The following RBPMS variants were observed in gnomAD, a reference collection of about 807,000 sequenced individuals.
RBPMS encodes RNA-binding protein with multiple splicing.
RBPMS carries 7 observed loss-of-function variants against 26.8 expected under a neutral mutation model. The ratio of observed to expected loss-of-function variants is 0.26; its 90% CI spans 0.15 to 0.49. The LOEUF is 0.49. RBPMS is among the 20% of genes least tolerant of loss of function. The pLI is 0.98. For synonymous variants in RBPMS, 96 were observed against 93.3 expected (o/e 1.03, Z -0.17); for missense variants, 186 against 250.0 (o/e 0.74, Z 1.73).
chr8:30,552,854 G>C (rs1826507623), intron 6 of RBPMS: 1 of 152,232 alleles, frequency 6.6e-6, no homozygotes, highest in African/African-American at 2.4e-5. Flanking sequence ...AGGCTTACCA[G>C]GATGTACTCA....
rs1808957445 is a variant in RBPMS, at chr8:30,408,874, C to T, written c.66+23716C>T. 2.6e-5 allele frequency among the ~76,000 whole-genome samples: 4 copies of T among 152,332 alleles called. No individual in the cohort carries two copies. The South Asian group carries it at 8.3e-4, about 32-fold the overall frequency. On this transcript the variant is annotated intron_variant, in intron 1 of 8. Transcript: ENST00000397323. ...AGTCACCATTTCCTCCTCTCCCTAA[C>T]CCAAAGCAACTGCTGATCTGCTTTT...
chr8:30,562,057 G>A (rs1375526289), intron 7 of RBPMS: 11 of 984,926 alleles, frequency 1.1e-5, no homozygotes, highest in African/African-American at 5.2e-5. Flanking sequence ...TGGACCAGGC[G>A]CAGTGCCTCA....
At chr8:30,430,368 T>C (rs577612482) in intron 1 of RBPMS, among the ~76,000 whole-genome samples, 4 of 152,208 alleles carry the variant, frequency 2.6e-5, no homozygotes, top group Non-Finnish European at 5.9e-5. Flanking sequence ...CTTGGTTCTA[T>C]TCTGTAACAT....
At chr8:30,519,554 G>C (rs1350260861) in intron 5 of RBPMS, among the ~76,000 whole-genome samples, 1 of 138,264 alleles carries the variant, frequency 7.2e-6, no homozygotes, top group East Asian at 2.3e-4. Context: ...TGCGATCTCG[G>C]CTCACTGCAA....
At chr8:30,517,617 G>A (rs1443260019) in intron 5 of RBPMS, among the ~76,000 whole-genome samples, 1 of 152,142 alleles carries the variant, frequency 6.6e-6, no homozygotes, top group Non-Finnish European at 1.5e-5. Context: ...ACATTTGAGG[G>A]GAGGTGAGAG....
At chr8:30,520,611 G>A (rs1822927900) in intron 5 of RBPMS, among the ~76,000 whole-genome samples, 1 of 152,054 alleles carries the variant, frequency 6.6e-6, no homozygotes, top group Non-Finnish European at 1.5e-5. Flanking sequence ...TTCCCTAGGT[G>A]CCCAATACGA....
chr8:30,548,798 A>T (rs1325155302), intron 6 of RBPMS, among the ~76,000 whole-genome samples: 1 of 152,260 alleles, frequency 6.6e-6, no homozygotes, highest in Non-Finnish European at 1.5e-5. Flanking sequence ...GCAGTTGCTC[A>T]TCAGCAGGGT....
rs375258067 is a variant in RBPMS, at chr8:30,511,916, A to G, written c.397+7480A>G. On this transcript the variant is annotated intron_variant, in intron 5 of 8. Transcript: ENST00000397323. ...AAATGTTAGCTGAAGTTGAACCACCAGATCGTTTATATTTAGTTTTGGTGT... is the reference window on the plus strand; with the variant it reads ...AAATGTTAGCTGAAGTTGAACCACCGGATCGTTTATATTTAGTTTTGGTGT... 2.3e-4 allele frequency among the ~76,000 whole-genome samples: 35 copies of G among 152,320 alleles called. No individual in the cohort carries two copies. In the East Asian group the frequency reaches 6.4e-3, roughly 28 times the overall value.
intron 7 of RBPMS, among the ~76,000 whole-genome samples, chr8:30,559,310 G>C (rs1827249653): frequency 6.6e-6 from 1 of 152,196 alleles, no homozygotes; most frequent in Non-Finnish European, 1.5e-5. Context: ...TTAAGTTGCA[G>C]GAATAGTCAT....
At chr8:30,521,327 T>TTTTG (rs1822996146) in intron 5 of RBPMS, among the ~76,000 whole-genome samples, 1 of 152,198 alleles carries the variant, frequency 6.6e-6, no homozygotes, top group African/African-American at 2.4e-5. Flanking sequence ...CTGTTGAATA[T>TTTTG]TTAGTGGCTT....
At chr8:30,409,531 T>C (rs1310524208) in intron 1 of RBPMS, among the ~76,000 whole-genome samples, 1 of 152,130 alleles carries the variant, frequency 6.6e-6, no homozygotes, top group African/African-American at 2.4e-5. Flanking sequence ...TATTTCTACT[T>C]TTTTCTGTCC....
At chr8:30,448,787 T>C (rs945088977) in intron 1 of RBPMS, among the ~76,000 whole-genome samples, 2 of 152,264 alleles carry the variant, frequency 1.3e-5, no homozygotes, top group East Asian at 3.8e-4. Flanking sequence ...GTAGTATCTG[T>C]TGGATTCAGG....
intron 1 of RBPMS, among the ~76,000 whole-genome samples, chr8:30,471,791 C>T (rs1228918579): frequency 1.3e-4 from 20 of 152,144 alleles, no homozygotes; most frequent in Non-Finnish European, 8.8e-5. Flanking sequence ...AATTCTGCCT[C>T]AGCGAACTTC....
At chr8:30,531,981 A>C (rs1396274608) in intron 5 of RBPMS, among the ~76,000 whole-genome samples, 2 of 152,200 alleles carry the variant, frequency 1.3e-5, no homozygotes, top group Admixed American at 6.5e-5. Flanking sequence ...AAAGTTAAGT[A>C]GATTTTTTTG....
At chr8:30,452,079 G>A (rs994241287) in intron 1 of RBPMS, among the ~76,000 whole-genome samples, 16 of 152,254 alleles carry the variant, frequency 1.1e-4, no homozygotes, top group East Asian at 1.9e-4. Context: ...CTTCCTTTGC[G>A]AGATGCCTTA....
At chr8:30,480,657 C>A (rs1818176141) in intron 4 of RBPMS, among the ~76,000 whole-genome samples, 1 of 152,072 alleles carries the variant, frequency 6.6e-6, no homozygotes, top group South Asian at 2.1e-4. Context: ...AAGTATAAAC[C>A]AATTATTTAT....
At chr8:30,422,259 G>T (rs1201987454) in intron 1 of RBPMS, among the ~76,000 whole-genome samples, 1 of 151,734 alleles carries the variant, frequency 6.6e-6, no homozygotes, top group Admixed American at 6.6e-5. Flanking sequence ...GGGATTACAG[G>T]CACCCTCCAT....
intron 6 of RBPMS, among the ~76,000 whole-genome samples, chr8:30,554,064 C>T (rs1392125504): frequency 5.9e-5 from 9 of 152,230 alleles, no homozygotes; most frequent in Non-Finnish European, 8.8e-5. Context: ...GCATGAGCCA[C>T]GGCGCCCTGC....
At chr8:30,557,854 T>C (rs928395313) in intron 6 of RBPMS, among the ~76,000 whole-genome samples, 1 of 152,212 alleles carries the variant, frequency 6.6e-6, no homozygotes, top group African/African-American at 2.4e-5. Context: ...GCTTGCCCTT[T>C]TGGGTGTTTT....
Sources: gnomAD v4.1 joint callset for allele counts (sites outside exome capture counted in the v4.1 genomes callset) on GRCh38, gnomAD v4.1.1 for gene constraint, MANE v1.5 for transcripts, NCBI Gene and HGNC (gene_info 2026-07-23, HGNC 2026-07-21) for gene names.